The following DNAH6 variants were observed in gnomAD, a reference collection of about 807,000 sequenced individuals.
DNAH6 encodes axonemal beta dynein heavy chain 6.
In DNAH6, 340 loss-of-function variants were observed where a neutral mutation model predicts 491.4. That is an observed-to-expected ratio of 0.69 (90% CI 0.63 to 0.76). The LOEUF is 0.76. DNAH6 is among the 30% of genes least tolerant of loss of function. DNAH6 has a pLI of 0.00. For missense variants in DNAH6, 4,443 were observed against 4,972.2 expected (o/e 0.89, Z 3.20); for synonymous variants, 1,603 against 1,686.1 (o/e 0.95, Z 1.21).
At chr2:84,482,992 T>C in the DNAH6 span, among the ~76,000 whole-genome samples, 1 of 151,868 alleles carries the variant, frequency 6.6e-6, no homozygotes, top group Non-Finnish European at 1.5e-5. Context: ...AGTCTCACTC[T>C]TTTTCTCACT....
chr2:84,715,735 A>C (rs951798713), intron 58 of DNAH6, 108 bp downstream of exon 58: 1 of 1,038,208 alleles, frequency 9.6e-7, no homozygotes, highest in Non-Finnish European at 1.4e-6. Flanking sequence ...AGAGCACTAC[A>C]CATGAACCCT....
chr2:84,460,544 A>C, the DNAH6 span, among the ~76,000 whole-genome samples: 8 of 152,200 alleles, frequency 5.3e-5, no homozygotes, highest in Admixed American at 5.2e-4. Flanking sequence ...ATTTCAGTAC[A>C]CTTTTAATGA....
rs1319661663 is a variant in DNAH6, at chr2:84,547,340, G to A, written c.1003G>A (p.Glu335Lys). Residue 335 changes from glutamate (E) to lysine (K), a missense_variant, in exon 6 of 77, where the codon GAA (glutamate) becomes AAA (lysine). Coordinates refer to ENST00000389394, the MANE Select transcript of DNAH6 (RefSeq NM_001370.2). ...HLSFMGLCYI[E>K]KCHTYTLQEF... Reference sequence around the variant, plus strand: ...GAGTTTTATGGGACTTTGTTATATTGAAAAGTGTCACACCTACACCCTGCA... The same window carrying A: ...GAGTTTTATGGGACTTTGTTATATTAAAAAGTGTCACACCTACACCCTGCA... The A allele has an allele frequency of 6.4e-7, 1 of 1,551,368 alleles. No individual in the cohort carries two copies. Among genetic ancestry groups the A allele is most frequent in the Non-Finnish European group, 8.7e-7 (1 of 1,146,876 alleles).
chr2:84,612,549 G>T (rs999430021), intron 22 of DNAH6, among the ~76,000 whole-genome samples: 1 of 152,034 alleles, frequency 6.6e-6, no homozygotes, highest in African/African-American at 2.4e-5. Context: ...TCTGACATAA[G>T]ACAGAAATGG....
chr2:84,707,087 G>T, intron 53 of DNAH6, 68 bp downstream of exon 53: 2 of 1,460,012 alleles, frequency 1.4e-6, no homozygotes, highest in South Asian at 3.0e-5. Flanking sequence ...AGAAGTTTTT[G>T]GCAATCAGGT....
the DNAH6 span, among the ~76,000 whole-genome samples, chr2:84,510,478 A>AT: frequency 6.8e-3 from 1,025 of 151,708 alleles, 13 homozygotes; most frequent in African/African-American, 0.023. Flanking sequence ...CATTCGTGTA[A>AT]TTTTTTTTCA....
At position 84,624,603 on chromosome 2, in the gene DNAH6, G is replaced by T; in HGVS notation, c.4336G>T (p.Val1446Phe). Reference sequence around the variant, plus strand: ...ATATTTGGGTGCATGCCCAAGATTGGTTATTACTCCACTCACAGTAAGTTA... The same window carrying T: ...ATATTTGGGTGCATGCCCAAGATTGTTTATTACTCCACTCACAGTAAGTTA... ...YEYLGACPRL[V>F]ITPLTDRCYL... is the part of the protein sequence containing the mutation. Residue 1446 changes from valine to phenylalanine, a missense_variant, in exon 28 of 77, where the codon GTT (valine) becomes TTT (phenylalanine). Val to Phe is a conservative substitution (Grantham distance 50). Coordinates refer to ENST00000389394, the MANE Select transcript of DNAH6 (RefSeq NM_001370.2). 1.9e-6 allele frequency: 3 copies of T among 1,551,472 alleles called. No homozygotes were observed. The highest frequency in any genetic ancestry group is 2.6e-6 in the Non-Finnish European group (3 of 1,146,886).
chr2:84,469,338 T>A, the DNAH6 span, among the ~76,000 whole-genome samples: 3,171 of 150,644 alleles, frequency 0.021, 36 homozygotes, highest in East Asian at 0.051. This position sits in a 1 kb window ranked among gnomAD's most constrained non-coding sequence, Gnocchi z 4.0. Context: ...AAGGAAAAAA[T>A]TTTTTTTTTC....
chr2:84,555,613 A>G (rs1679945384), intron 10 of DNAH6, among the ~76,000 whole-genome samples: 1 of 152,128 alleles, frequency 6.6e-6, no homozygotes, highest in Admixed American at 6.5e-5. Flanking sequence ...GTCTCTATCT[A>G]TAGATCCAAT....
intron 4 of DNAH6, among the ~76,000 whole-genome samples, chr2:84,539,217 A>C (rs1677997947): frequency 6.6e-6 from 1 of 152,150 alleles, no homozygotes; most frequent in African/African-American, 2.4e-5. Context: ...ACCAGAAATA[A>C]AACAAGCATT....
chr2:84,630,884 T>C (rs1288776384), intron 29 of DNAH6, among the ~76,000 whole-genome samples: 1 of 152,298 alleles, frequency 6.6e-6, no homozygotes, highest in East Asian at 1.9e-4. Flanking sequence ...GAAAATAGAA[T>C]GTTGGTAATT....
intron 63 of DNAH6, among the ~76,000 whole-genome samples, chr2:84,745,751 C>A (rs1332199732): frequency 6.6e-6 from 1 of 151,906 alleles, no homozygotes; most frequent in Non-Finnish European, 1.5e-5. Flanking sequence ...AGAGAGCCAG[C>A]CAGGGCCATG....
intron 37 of DNAH6, among the ~76,000 whole-genome samples, chr2:84,666,352 C>G (rs1692124470): frequency 6.6e-6 from 1 of 152,132 alleles, no homozygotes; most frequent in African/African-American, 2.4e-5. Context: ...TTTAGAAAAT[C>G]CCATCGTCTC....
At chr2:84,548,259 C>G (rs916513837) in intron 7 of DNAH6, 29 bp from the exon 8 acceptor site, 9 of 1,588,818 alleles carry the variant, frequency 5.7e-6, no homozygotes, top group Non-Finnish European at 7.7e-6. Context: ...CACAAGTACA[C>G]TTGTTGTTGT....
chr2:84,601,148 G>A (rs1453466279), intron 18 of DNAH6, among the ~76,000 whole-genome samples: 3 of 149,090 alleles, frequency 2.0e-5, no homozygotes, highest in Non-Finnish European at 4.4e-5. Flanking sequence ...TTGAGGTGCT[G>A]GGAAGTAAGA....
At position 84,653,612 on chromosome 2, in the gene DNAH6, T is replaced by C. The variant is rs1690666583; in HGVS notation, c.5372T>C (p.Leu1791Pro). The C allele has an allele frequency of 4.0e-5, 62 of 1,551,232 alleles. No homozygotes were observed. The highest frequency in any genetic ancestry group is 5.1e-5 in the Non-Finnish European group (59 of 1,146,736). Residue 1791 changes from leucine to proline, a missense_variant, in exon 34 of 77, where the codon CTC (leucine) becomes CCC (proline). Leu to Pro is a moderately conservative substitution (Grantham distance 98, BLOSUM62 -3). Transcript: ENST00000389394. ...SFYQAVKTYVLNPKSITMGEL... is the reference protein window; with the variant it reads ...SFYQAVKTYVPNPKSITMGEL... ...TACCAAGCAGTTAAAACATATGTTC[T>C]CAACCCTAAATCAATTACCATGGGT...
chr2:84,477,532 G>A, the DNAH6 span, among the ~76,000 whole-genome samples: 2 of 152,154 alleles, frequency 1.3e-5, no homozygotes, highest in South Asian at 2.1e-4. Context: ...TACATGCTGG[G>A]GTAGTGGGGA....
intron 18 of DNAH6, among the ~76,000 whole-genome samples, chr2:84,596,426 C>A (rs1198357470): frequency 6.6e-6 from 1 of 151,860 alleles, no homozygotes; most frequent in East Asian, 1.9e-4. Flanking sequence ...TGGGTTCAAG[C>A]GATTCTCCTG....
intron 70 of DNAH6, among the ~76,000 whole-genome samples, chr2:84,804,442 T>G (rs2105313608): frequency 6.6e-6 from 1 of 152,150 alleles, no homozygotes; most frequent in Non-Finnish European, 1.5e-5. Flanking sequence ...TTTGCAAACT[T>G]TATGCACATA....
Sources: gnomAD v4.1 joint callset for allele counts (sites outside exome capture counted in the v4.1 genomes callset) on GRCh38, gnomAD v4.1.1 for gene constraint, Gnocchi (gnomAD v3.1) non-coding constraint, MANE v1.5 for transcripts, NCBI Gene and HGNC (gene_info 2026-07-23, HGNC 2026-07-21) for gene names.